Variants in RGS10 observed in about 807,000 individuals in gnomAD.
RGS10 encodes the protein regulator of G protein signaling 10, also known as regulator of G-protein signalling 10.
RGS10 carries 11 observed loss-of-function variants against 23.5 expected under a neutral mutation model. The observed-to-expected ratio is 0.47, with a 90% CI of 0.29 to 0.77. The LOEUF is 0.77. Among genes scored for constraint, RGS10 ranks in the 30% least tolerant of loss-of-function variants. The probability of loss-of-function intolerance (pLI) is 0.08; values close to 1 mark genes in which losing one functional copy is unlikely to be tolerated. For synonymous variants in RGS10, 77 were observed against 83.2 expected (o/e 0.92, Z 0.41); for missense variants, 180 against 226.3 (o/e 0.80, Z 1.31).
intron 2 of RGS10, among the ~76,000 whole-genome samples, chr10:119,526,780 T>C (rs973518361): frequency 3.3e-5 from 5 of 152,112 alleles, no homozygotes; most frequent in Non-Finnish European, 4.4e-5. Flanking sequence ...CAGGACTCAT[T>C]CTTGAAATTC....
At chr10:119,540,221 T>TCCTTCCTTCCTTTTTTCTTCCTTCCTC (rs1844424068) in intron 1 of RGS10, among the ~76,000 whole-genome samples, 1 of 152,034 alleles carries the variant, frequency 6.6e-6, no homozygotes, top group African/African-American at 2.4e-5. Flanking sequence ...TGATCTTCCT[T>TCCTTCCTTCCTTTTTTCTTCCTTCCTC]CCTTCCTTCC....
intron 1 of RGS10, 81 bp downstream of exon 1, chr10:119,542,509 G>A: frequency 8.1e-7 from 1 of 1,239,386 alleles, no homozygotes; most frequent in Non-Finnish European, 1.0e-6. Flanking sequence ...AGCCGCGCCC[G>A]AGCACAAGAG....
At chr10:119,505,531 C>T (rs1564708051) in intron 4 of RGS10, among the ~76,000 whole-genome samples, 1 of 151,996 alleles carries the variant, frequency 6.6e-6, no homozygotes, top group Non-Finnish European at 1.5e-5. Flanking sequence ...CTCTGCACAA[C>T]CGTCCTGCAG....
chr10:119,521,354 T>C lies in RGS10; in HGVS notation c.255+4678A>G, dbSNP rs184290521. ...GGGAGGCCAGGGCAGGTGGATCACC[T>C]GAGGTCAGGAGTTTGAGATCAGCCT... On this transcript the variant is annotated intron_variant, in intron 3 of 4. Transcript: ENST00000369103. Among the ~76,000 whole-genome samples, 99 of 152,192 alleles carry C rather than the reference T, an allele frequency of 6.5e-4. 1 individual carries two copies. The highest frequency in any genetic ancestry group is 2.3e-3 in the African/African-American group (96 of 41,550).
At position 119,538,355 on chromosome 10, in the gene RGS10, A is replaced by G. The variant is rs1242110531; in HGVS notation, c.49+4235T>C. ...GTCCCTGCCCCTTAGTGGCCTCTGC[A>G]GCCCTTGAGGGAGAAATGAAATGGT... On this transcript the variant is annotated intron_variant, in intron 1 of 4. Transcript: ENST00000369103. The surrounding 1 kb of genome is among the most constrained non-coding windows in gnomAD (Gnocchi z 4.5). Among the ~76,000 whole-genome samples the G allele has an allele frequency of 6.6e-6, 1 of 152,220 alleles. No individual in the cohort carries two copies. The highest frequency in any genetic ancestry group is 1.9e-4 in the East Asian group (1 of 5,190).
intron 1 of RGS10, 138 bp downstream of exon 1, chr10:119,542,452 G>T: frequency 1.5e-6 from 1 of 654,090 alleles, no homozygotes; most frequent in Non-Finnish European, 2.2e-6. Flanking sequence ...ACCCAGCGGG[G>T]AGAGGTGGTG....
intron 1 of RGS10, among the ~76,000 whole-genome samples, chr10:119,540,217 T>G (rs908296803): frequency 6.6e-6 from 1 of 152,028 alleles, no homozygotes; most frequent in Non-Finnish European, 1.5e-5. Flanking sequence ...TGGCTGATCT[T>G]CCTTCCTTCC....
At chr10:119,529,752 T>C (rs545473504) in intron 1 of RGS10, among the ~76,000 whole-genome samples, 11 of 152,296 alleles carry the variant, frequency 7.2e-5, no homozygotes, top group African/African-American at 2.6e-4. Context: ...TAGAGACATG[T>C]TTCTATAAAA....
chr10:119,533,160 C>G (rs1226548341), intron 1 of RGS10, among the ~76,000 whole-genome samples: 1 of 151,806 alleles, frequency 6.6e-6, no homozygotes, highest in Non-Finnish European at 1.5e-5. Flanking sequence ...CAAAACCTGC[C>G]TGGCCAACAT....
chr10:119,517,746 G>A lies in RGS10; in HGVS notation c.256-2094C>T, dbSNP rs1482376681. 1.3e-5 allele frequency among the ~76,000 whole-genome samples: 2 copies of A among 152,328 alleles called. No homozygotes were observed. Among genetic ancestry groups the A allele is most frequent in the South Asian group, 4.1e-4 (2 of 4,828 alleles). ...AATCCAGGATATCTTGAGTGATTCT[G>A]AAATAGAGAAGTGCAATGAATGGCT... On this transcript the variant is annotated intron_variant, in intron 3 of 4. Coordinates refer to ENST00000369103, the MANE Select transcript of RGS10 (RefSeq NM_001005339.2). This position sits in a 1 kb window ranked among gnomAD's most constrained non-coding sequence, Gnocchi z 5.0.
intron 4 of RGS10, among the ~76,000 whole-genome samples, chr10:119,510,870 C>G (rs186597830): frequency 9.2e-5 from 14 of 152,178 alleles, no homozygotes; most frequent in African/African-American, 3.4e-4. Flanking sequence ...AGGCGCCCAC[C>G]ACCACACTTG....
intron 4 of RGS10, among the ~76,000 whole-genome samples, chr10:119,508,601 A>G (rs2991778): frequency 0.015 from 2,228 of 152,362 alleles, 59 homozygotes; most frequent in African/African-American, 0.051. Context: ...ACTTTAAGTC[A>G]CTGAGCAGAC....
intron 4 of RGS10, among the ~76,000 whole-genome samples, chr10:119,507,140 C>A (rs1203157520): frequency 6.6e-6 from 1 of 152,166 alleles, no homozygotes; most frequent in Non-Finnish European, 1.5e-5. Context: ...ACCACACCTG[C>A]CCTTTCTAGC....
intron 3 of RGS10, among the ~76,000 whole-genome samples, chr10:119,520,809 C>CA (rs58487462): frequency 0.018 from 2,207 of 126,046 alleles, 22 homozygotes; most frequent in Non-Finnish European, 0.025. Flanking sequence ...TCTCCAAAAG[C>CA]AAAAAAAAAA....
At chr10:119,515,393 CCG>C (rs1844130262) in intron 4 of RGS10, 114 bp downstream of exon 4, 2 of 1,285,998 alleles carry the variant, frequency 1.6e-6, no homozygotes, top group African/African-American at 1.5e-5. Context: ...CTCGGTCTGC[CCG>C]GCCGTATGAG....
chr10:119,508,901 G>C (rs192933459), intron 4 of RGS10, among the ~76,000 whole-genome samples: 180 of 151,462 alleles, frequency 1.2e-3, no homozygotes, highest in African/African-American at 4.1e-3. Flanking sequence ...GTTCAAGACC[G>C]GCCTGGGCAA....
intron 1 of RGS10, among the ~76,000 whole-genome samples, chr10:119,532,443 G>A (rs937248004): frequency 3.3e-5 from 5 of 152,104 alleles, no homozygotes; most frequent in Admixed American, 2.0e-4. Flanking sequence ...CCGTGGGCGC[G>A]GTGGCTCATG....
intron 4 of RGS10, among the ~76,000 whole-genome samples, chr10:119,510,568 T>C (rs930952202): frequency 2.0e-5 from 3 of 152,190 alleles, no homozygotes; most frequent in African/African-American, 4.8e-5. Flanking sequence ...CAGATGCTGA[T>C]TTCCCTGTTG....
chr10:119,534,597 A>ATAAAAAG (rs1452968550), intron 1 of RGS10, among the ~76,000 whole-genome samples: 2 of 143,436 alleles, frequency 1.4e-5, no homozygotes, highest in Admixed American at 7.0e-5. Context: ...TCTCAAAAAA[A>ATAAAAAG]AAAAAAAAAA....
Sources: gnomAD v4.1 joint callset for allele counts (sites outside exome capture counted in the v4.1 genomes callset) on GRCh38, gnomAD v4.1.1 for gene constraint, Gnocchi (gnomAD v3.1) non-coding constraint, MANE v1.5 for transcripts, NCBI Gene and HGNC (gene_info 2026-07-23, HGNC 2026-07-21) for gene names.